Variants in ZWILCH observed in about 807,000 individuals in gnomAD.
The protein encoded by ZWILCH is protein zwilch homolog.
Under a neutral mutation model 79.9 loss-of-function variants are expected in ZWILCH, and 74 were observed. The ratio of observed to expected loss-of-function variants is 0.93; its 90% CI spans 0.77 to 1.12. ZWILCH has a LOEUF of 1.12. Ranked by LOEUF, ZWILCH falls within the 50% of genes most tolerant of loss-of-function variation. The pLI is 0.00. For missense variants in ZWILCH, 694 were observed against 687.5 expected (o/e 1.01, Z -0.11); for synonymous variants, 241 against 228.2 (o/e 1.06, Z -0.51).
chr15:66,525,889 G>A (rs1394121567), intron 8 of ZWILCH, among the ~76,000 whole-genome samples: 1 of 149,654 alleles, frequency 6.7e-6, no homozygotes, highest in Non-Finnish European at 1.5e-5. Context: ...AGCCTCCCCA[G>A]TAGCTGGGAT....
At chr15:66,533,239 A>T (rs190336949) in intron 14 of ZWILCH, among the ~76,000 whole-genome samples, 31 of 152,300 alleles carry the variant, frequency 2.0e-4, no homozygotes, top group African/African-American at 7.2e-4. Flanking sequence ...ATATATAGTT[A>T]TATCCTACTG....
At chr15:66,512,338 G>A (rs11634160) in intron 2 of ZWILCH, among the ~76,000 whole-genome samples, 4,844 of 150,228 alleles carry the variant, frequency 0.032, 117 homozygotes, top group Middle Eastern at 0.053. Context: ...AGTTCACTGC[G>A]GCCTCAAACT....
At chr15:66,543,393 T>C (rs558206079) in intron 17 of ZWILCH, among the ~76,000 whole-genome samples, 8 of 152,246 alleles carry the variant, frequency 5.3e-5, no homozygotes, top group Non-Finnish European at 1.2e-4. Flanking sequence ...AGATGTGGAA[T>C]GGTGATTGCA....
At chr15:66,536,931 T>C (rs868411617) in intron 15 of ZWILCH, among the ~76,000 whole-genome samples, 4 of 152,162 alleles carry the variant, frequency 2.6e-5, no homozygotes, top group Non-Finnish European at 5.9e-5. Context: ...ATGAGAAATA[T>C]GTCTATTAAT....
intron 17 of ZWILCH, among the ~76,000 whole-genome samples, chr15:66,540,577 C>T (rs1487932072): frequency 6.6e-6 from 1 of 150,576 alleles, no homozygotes; most frequent in Non-Finnish European, 1.5e-5. Context: ...AGAAAATAAA[C>T]TAAATCTTAC....
chr15:66,532,393 T>G lies in ZWILCH; in HGVS notation c.1302T>G (p.Ser434Arg). Residue 434 changes from serine to arginine, a missense_variant, in exon 13 of 19, where the codon AGT becomes AGG. By Grantham distance (110) the Ser-to-Arg change is moderately radical. Coordinates refer to ENST00000307897, the MANE Select transcript of ZWILCH (RefSeq NM_017975.5). ...ACAAACTAAAGAAAGATTATATCAG[T>G]TTTTTCATAGGTAAGTATCTTTCCT... Reference protein sequence around the residue: ...GLDKLKKDYISFFIGQELASL... With the variant: ...GLDKLKKDYIRFFIGQELASL... The G allele has an allele frequency of 6.2e-7, 1 of 1,605,964 alleles. No homozygotes were observed. Among genetic ancestry groups the G allele is most frequent in the African/African-American group, 1.3e-5 (1 of 74,428 alleles).
rs375123343 is a variant in ZWILCH at position 66,514,055 on chromosome 15, A to G, written c.173A>G (p.Asn58Ser). The G allele has an allele frequency of 6.2e-7, 1 of 1,611,676 alleles. No homozygotes were observed. Among genetic ancestry groups the G allele is most frequent in the South Asian group, 1.1e-5 (1 of 90,788 alleles). Residue 58 changes from asparagine (N) to serine (S), a missense_variant, in exon 3 of 19, where the codon AAT becomes AGT. Coordinates refer to ENST00000307897, the MANE Select transcript of ZWILCH (RefSeq NM_017975.5). ...CCTTTGAAAAATATTCTAAATGAAA[A>G]TGACATAGTATTCATAGTGGAAAAA... ...PNPLKNILNE[N>S]DIVFIVEKVP...
chr15:66,522,582 A>G (rs1282420500), intron 7 of ZWILCH, among the ~76,000 whole-genome samples: 2 of 151,992 alleles, frequency 1.3e-5, no homozygotes, highest in Non-Finnish European at 2.9e-5. Flanking sequence ...TGCTGGGATT[A>G]CAGGCATGAG....
At chr15:66,522,007 G>A (rs1455977104) in intron 7 of ZWILCH, among the ~76,000 whole-genome samples, 1 of 152,098 alleles carries the variant, frequency 6.6e-6, no homozygotes, top group Non-Finnish European at 1.5e-5. Flanking sequence ...AGACCAGCCT[G>A]ACGAATATGG....
intron 8 of ZWILCH, among the ~76,000 whole-genome samples, chr15:66,525,441 T>A (rs1894637977): frequency 6.6e-6 from 1 of 152,234 alleles, no homozygotes; most frequent in African/African-American, 2.4e-5. Flanking sequence ...TGGATAGGAT[T>A]TTTTCTTTTA....
chr15:66,533,713 TACACACAC>T (rs10545359), intron 14 of ZWILCH, among the ~76,000 whole-genome samples: 2 of 151,444 alleles, frequency 1.3e-5, no homozygotes, highest in Admixed American at 1.3e-4. Flanking sequence ...TAGCAAAAAC[TACACACAC>T]ACACACGCGC....
At position 66,527,383 on chromosome 15, in the gene ZWILCH, GGT is replaced by G; in HGVS notation, c.913+3_913+4del. On this transcript the variant is annotated splice_donor_variant, in intron 9 of 18. Transcript: ENST00000307897. LOFTEE classifies it high-confidence loss of function. ...TGAACTTGTTCAGGAATTTCTGAAT[GGT>G]GTATTACTTGTTTTATTAATTGAGA... 1.2e-6 allele frequency: 2 copies of G among 1,611,042 alleles called. No individual in the cohort carries two copies. Among genetic ancestry groups the G allele is most frequent in the African/African-American group, 1.3e-5 (1 of 74,930 alleles).
At chr15:66,529,723 G>A in intron 12 of ZWILCH, 150 bp downstream of exon 12, 1 of 596,862 alleles carries the variant, frequency 1.7e-6, no homozygotes. Context: ...CTTTTCTTGT[G>A]CCCCAACATC....
chr15:66,549,857 A>ATT lies in ZWILCH; in HGVS notation c.*1533_*1534insTT. The ATT allele has an allele frequency of 2.2e-6, 1 of 456,508 alleles. No homozygotes were observed. The highest frequency in any genetic ancestry group is 4.7e-5 in the South Asian group (1 of 21,338). 28.3% of individuals were successfully genotyped at this position (456,508 alleles called of 1,614,324 possible). A position where few individuals can be genotyped will look rare whatever the true frequency, so the allele number is the denominator to read the frequency against. ...GGATAAAATGTTTATCTTTCATGGT[A>ATT]GATTAAATGCTTTAAAATGCTTATA... On this transcript the variant is annotated 3_prime_UTR_variant, in exon 19 of 19. Transcript: ENST00000307897.
At chr15:66,525,766 T>C (rs931171919) in intron 8 of ZWILCH, among the ~76,000 whole-genome samples, 1 of 139,270 alleles carries the variant, frequency 7.2e-6, no homozygotes, top group Admixed American at 8.0e-5. Context: ...CTTTTTTTTT[T>C]TTTTTTTTTT....
chr15:66,513,418 T>G (rs1257131471), intron 2 of ZWILCH, among the ~76,000 whole-genome samples: 1 of 151,458 alleles, frequency 6.6e-6, no homozygotes, highest in Non-Finnish European at 1.5e-5. Flanking sequence ...ATAAAATAAT[T>G]AGCCAGGTGC....
At position 66,529,447 on chromosome 15, in the gene ZWILCH, C is replaced by T. The variant is rs533624846; in HGVS notation, c.1076-47C>T. 5.2e-5 allele frequency: 68 copies of T among 1,319,982 alleles called. No individual in the cohort carries two copies. In the African/African-American group the frequency reaches 8.7e-4, roughly 17 times the overall value. 81.8% of individuals were successfully genotyped at this position (1,319,982 alleles called of 1,614,324 possible). A position where few individuals can be genotyped will look rare whatever the true frequency, so the allele number is the denominator to read the frequency against. On this transcript the variant is annotated intron_variant, in intron 11 of 18. Transcript: ENST00000307897. ...CCTTAAGATTAATGATATATTTGATCTGTAGAAATACCCTGAAAATAATGT... is the reference window on the plus strand; with the variant it reads ...CCTTAAGATTAATGATATATTTGATTTGTAGAAATACCCTGAAAATAATGT...
chr15:66,542,352 C>G (rs904955404), intron 17 of ZWILCH, among the ~76,000 whole-genome samples: 3 of 152,092 alleles, frequency 2.0e-5, no homozygotes, highest in Non-Finnish European at 4.4e-5. Flanking sequence ...TTGGGAGGTC[C>G]AGGCAAGTGG....
chr15:66,538,266 A>C (rs1895076156), intron 16 of ZWILCH, among the ~76,000 whole-genome samples: 1 of 152,212 alleles, frequency 6.6e-6, no homozygotes, highest in Non-Finnish European at 1.5e-5. Context: ...TGCTCTGGCA[A>C]AGGTCACCAA....
Sources: gnomAD v4.1 joint callset for allele counts (sites outside exome capture counted in the v4.1 genomes callset) on GRCh38, gnomAD v4.1.1 for gene constraint, MANE v1.5 for transcripts, NCBI Gene and HGNC (gene_info 2026-07-23, HGNC 2026-07-21) for gene names.